EBF1: variants seen among roughly 807,000 people sequenced by gnomAD.
EBF1 encodes the protein transcription factor COE1.
In EBF1, 10 loss-of-function variants were observed where a neutral mutation model predicts 68.4. That is an observed-to-expected ratio of 0.15 (90% CI 0.09 to 0.25). The LOEUF (loss-of-function observed/expected upper bound fraction) is 0.25, where lower values mean the gene tolerates loss of function less well. Among genes scored for constraint, EBF1 ranks in the 10% least tolerant of loss-of-function variants. The probability of loss-of-function intolerance (pLI) is 1.00; values close to 1 mark genes in which losing one functional copy is unlikely to be tolerated. For missense variants in EBF1, 509 were observed against 794.4 expected (o/e 0.64, Z 4.32); for synonymous variants, 298 against 299.8 (o/e 0.99, Z 0.06).
intron 6 of EBF1, among the ~76,000 whole-genome samples, chr5:158,914,720 G>A (rs1031133673): frequency 3.9e-5 from 6 of 152,188 alleles, no homozygotes; most frequent in Admixed American, 3.9e-4. Context: ...AAGGCAGAAG[G>A]AATAAAGGTA....
intron 6 of EBF1, among the ~76,000 whole-genome samples, chr5:159,028,010 A>T (rs1347340996): frequency 1.3e-5 from 2 of 152,214 alleles, no homozygotes; most frequent in East Asian, 3.8e-4. Context: ...TTGGTAAATA[A>T]GAGTTTCTAT....
intron 7 of EBF1, among the ~76,000 whole-genome samples, chr5:158,829,052 TGAAGGATA>T (rs942766809): frequency 1.1e-4 from 16 of 152,150 alleles, no homozygotes; most frequent in African/African-American, 3.9e-4. Context: ...GAGGAATGGG[TGAAGGATA>T]GGGGATTTTT....
chr5:158,810,385 T>C (rs544346442), intron 8 of EBF1, among the ~76,000 whole-genome samples: 6 of 152,344 alleles, frequency 3.9e-5, no homozygotes, highest in African/African-American at 1.4e-4. Context: ...TTGTACCAAC[T>C]ACGTTCATTT....
chr5:158,982,174 T>G (rs1758032561), intron 6 of EBF1, among the ~76,000 whole-genome samples: 1 of 152,244 alleles, frequency 6.6e-6, no homozygotes, highest in Admixed American at 6.5e-5. Context: ...TAAACATGCC[T>G]AAAAATATCT....
intron 7 of EBF1, among the ~76,000 whole-genome samples, chr5:158,829,350 T>A (rs949340028): frequency 6.6e-6 from 1 of 151,666 alleles, no homozygotes; most frequent in Non-Finnish European, 1.5e-5. Flanking sequence ...CTTTTTTTTT[T>A]TTTTGTATTT....
intron 6 of EBF1, among the ~76,000 whole-genome samples, chr5:158,857,398 C>T (rs1208153089): frequency 6.6e-6 from 1 of 152,016 alleles, no homozygotes; most frequent in Non-Finnish European, 1.5e-5. Context: ...AGTTTCATGT[C>T]TCTGTTGCCC....
At chr5:158,952,755 A>G (rs780154600) in intron 6 of EBF1, among the ~76,000 whole-genome samples, 1 of 152,226 alleles carries the variant, frequency 6.6e-6, no homozygotes, top group Non-Finnish European at 1.5e-5. Context: ...CTTACCTAAA[A>G]GTTGCTTCGT....
chr5:158,753,297 A>C (rs1423570376), intron 10 of EBF1, among the ~76,000 whole-genome samples: 3 of 152,032 alleles, frequency 2.0e-5, no homozygotes, highest in African/African-American at 7.2e-5. Flanking sequence ...TCTCCATCTT[A>C]CTCTCTCCAC....
intron 6 of EBF1, among the ~76,000 whole-genome samples, chr5:158,947,744 G>A (rs1033886716): frequency 7.9e-5 from 12 of 152,174 alleles, no homozygotes; most frequent in Admixed American, 2.6e-4. Flanking sequence ...AACAGAAATC[G>A]TAAAGGAGAA....
chr5:158,963,353 GTA>G (rs1322482499), intron 6 of EBF1, among the ~76,000 whole-genome samples: 1 of 152,198 alleles, frequency 6.6e-6, no homozygotes, highest in Non-Finnish European at 1.5e-5. Flanking sequence ...CGGAATGACA[GTA>G]CAGGTTCTTT....
chr5:158,914,277 A>C (rs772846938), intron 6 of EBF1, among the ~76,000 whole-genome samples: 1 of 152,160 alleles, frequency 6.6e-6, no homozygotes, highest in Non-Finnish European at 1.5e-5. Context: ...GTGCTTATTA[A>C]TATCATGGAG....
Position 158,990,217 on chromosome 5 carries a change from C to T in EBF1, c.554+83179G>A, listed in dbSNP as rs149148360. Among the ~76,000 whole-genome samples the T allele has an allele frequency of 1.8e-3, 280 of 152,318 alleles. 1 individual carries two copies. The highest frequency in any genetic ancestry group is 6.4e-3 in the African/African-American group (267 of 41,566). On this transcript the variant is annotated intron_variant, in intron 6 of 15. Coordinates refer to ENST00000313708, the MANE Select transcript of EBF1 (RefSeq NM_024007.5). ...ACCCTGATACCAGGATGGCACTCTT[C>T]TGCTGGTGATGGAGCACACTGTGGG...
rs1755771581 is a variant in EBF1 at position 158,696,431 on chromosome 5, G to A, written c.*2680C>T. On this transcript the variant is annotated 3_prime_UTR_variant, in exon 16 of 16. Coordinates refer to ENST00000313708, the MANE Select transcript of EBF1 (RefSeq NM_024007.5). ...TTCTAACCACTGCACATGGCTGACA[G>A]ATGGGTAGTGTCTGTTGTCAAGGTC... is the stretch of plus-strand genomic sequence containing the variant. 4.5e-6 allele frequency: 1 copy of A among 221,516 alleles called. No homozygotes were observed. The highest frequency in any genetic ancestry group is 9.0e-6 in the Non-Finnish European group (1 of 110,738). 13.7% of individuals were successfully genotyped at this position (221,516 alleles called of 1,614,324 possible).
intron 10 of EBF1, among the ~76,000 whole-genome samples, chr5:158,769,614 T>C (rs549803400): frequency 6.6e-6 from 1 of 152,296 alleles, no homozygotes; most frequent in South Asian, 2.1e-4. Flanking sequence ...TTTGTTGTTG[T>C]TGTTGTTCTC....
At chr5:158,720,540 C>T (rs1463046399) in intron 11 of EBF1, among the ~76,000 whole-genome samples, 1 of 151,890 alleles carries the variant, frequency 6.6e-6, no homozygotes, top group African/African-American at 2.4e-5. Context: ...AACACTTGGG[C>T]ACCGTTTAGT....
intron 6 of EBF1, among the ~76,000 whole-genome samples, chr5:158,963,489 G>A (rs930459206): frequency 6.6e-6 from 1 of 152,004 alleles, no homozygotes. Flanking sequence ...CCCTCCAACT[G>A]AAAAAACAAC....
At chr5:158,771,107 C>T (rs1208523603) in intron 10 of EBF1, among the ~76,000 whole-genome samples, 1 of 152,198 alleles carries the variant, frequency 6.6e-6, no homozygotes, top group African/African-American at 2.4e-5. Flanking sequence ...TATTCTAATG[C>T]CTAGAAAGAA....
At chr5:158,881,318 G>T (rs1158004915) in intron 6 of EBF1, among the ~76,000 whole-genome samples, 2 of 152,168 alleles carry the variant, frequency 1.3e-5, no homozygotes, top group African/African-American at 2.4e-5. Flanking sequence ...TCAAGTTTAT[G>T]TGAACTGCCC....
chr5:158,800,379 G>T (rs1442949871), intron 8 of EBF1, among the ~76,000 whole-genome samples: 2 of 152,078 alleles, frequency 1.3e-5, no homozygotes, highest in African/African-American at 4.8e-5. Context: ...GTCCCCAGCA[G>T]GTCCTTATAA....
Sources: gnomAD v4.1 joint callset for allele counts (sites outside exome capture counted in the v4.1 genomes callset) on GRCh38, gnomAD v4.1.1 for gene constraint, MANE v1.5 for transcripts, NCBI Gene and HGNC (gene_info 2026-07-23, HGNC 2026-07-21) for gene names.